Variants in LRBA observed in about 807,000 individuals in gnomAD.
The protein encoded by LRBA is lipopolysaccharide-responsive and beige-like anchor protein.
In LRBA, 176 loss-of-function variants were observed where a neutral mutation model predicts 330.0. The observed-to-expected ratio is 0.53, with a 90% CI of 0.47 to 0.60. The LOEUF is 0.60. Ranked by LOEUF, LRBA falls within the 20% of genes least tolerant of loss-of-function variation. LRBA has a pLI of 0.00. For synonymous variants in LRBA, 1,230 were observed against 1,193.0 expected, an observed-to-expected ratio of 1.03 and a Z score of -0.64; for missense variants, 3,259 against 3,444.8, an observed-to-expected ratio of 0.95 and a Z score of 1.35.
chr4:150,513,530 T>C (rs1762043739), intron 40 of LRBA, among the ~76,000 whole-genome samples: 1 of 152,178 alleles, frequency 6.6e-6, no homozygotes, highest in African/African-American at 2.4e-5. Context: ...CTGTTCATGA[T>C]GCCCTAATAA....
At chr4:150,438,964 A>G (rs1199484954) in intron 44 of LRBA, among the ~76,000 whole-genome samples, 6 of 152,204 alleles carry the variant, frequency 3.9e-5, no homozygotes, top group Admixed American at 3.9e-4. Context: ...CTTTTAAAGC[A>G]TTAGTTTCTG....
At chr4:150,268,123 T>C (rs1159246825) in intron 56 of LRBA, among the ~76,000 whole-genome samples, 1 of 151,826 alleles carries the variant, frequency 6.6e-6, no homozygotes, top group African/African-American at 2.4e-5. Flanking sequence ...CATTACTGAT[T>C]TGGCAGAAAC....
chr4:151,003,589 A>T (rs1037205830), intron 2 of LRBA, among the ~76,000 whole-genome samples: 1 of 151,986 alleles, frequency 6.6e-6, no homozygotes, highest in Non-Finnish European at 1.5e-5. Context: ...ACTGGGCAAC[A>T]TAGTGAGACA....
intron 2 of LRBA, among the ~76,000 whole-genome samples, chr4:150,971,201 A>G (rs780928967): frequency 2.6e-5 from 4 of 152,260 alleles, no homozygotes; most frequent in Non-Finnish European, 5.9e-5. Context: ...TCTGGCAAGC[A>G]TAATTTCACA....
At chr4:150,861,271 GT>G (rs1224141474) in intron 22 of LRBA, among the ~76,000 whole-genome samples, 2 of 38,224 alleles carry the variant, frequency 5.2e-5, no homozygotes, top group African/African-American at 1.9e-4. Context: ...CCAGCTAATG[GT>G]GTGTGTGTGT....
At chr4:150,638,954 A>C (rs2126705378) in intron 37 of LRBA, among the ~76,000 whole-genome samples, 1 of 89,914 alleles carries the variant, frequency 1.1e-5, no homozygotes. Flanking sequence ...GAACCAACCC[A>C]AATGTCCAAC....
intron 47 of LRBA, among the ~76,000 whole-genome samples, chr4:150,400,012 A>AAGGGGGAGGAATCTGGCATTTTTGT (rs1176420458): frequency 6.6e-6 from 1 of 151,738 alleles, no homozygotes; most frequent in Non-Finnish European, 1.5e-5. Flanking sequence ...AAGGCTTCCC[A>AAGGGGGAGGAATCTGGCATTTTTGT]AGGGGGAGGA....
intron 34 of LRBA, among the ~76,000 whole-genome samples, chr4:150,772,223 G>C (rs1226251455): frequency 6.6e-6 from 1 of 152,168 alleles, no homozygotes. Context: ...AAGGGCTGTA[G>C]TGCTCCAACT....
At chr4:150,652,752 C>T (rs1236167149) in intron 37 of LRBA, among the ~76,000 whole-genome samples, 6 of 152,178 alleles carry the variant, frequency 3.9e-5, no homozygotes, top group Non-Finnish European at 8.8e-5. Context: ...TCAGTTGAGA[C>T]TAACCACATT....
chr4:150,323,168 A>C (rs1732785648), intron 49 of LRBA, among the ~76,000 whole-genome samples: 1 of 152,146 alleles, frequency 6.6e-6, no homozygotes, highest in Admixed American at 6.5e-5. Context: ...GAATTCTGTG[A>C]AATTAGGTAA....
chr4:150,993,237 T>C (rs1742290722), intron 2 of LRBA, among the ~76,000 whole-genome samples: 1 of 152,222 alleles, frequency 6.6e-6, no homozygotes, highest in Admixed American at 6.5e-5. Flanking sequence ...TTCAAAAATT[T>C]GAATTGTAAT....
At chr4:151,001,994 T>C (rs1445537127) in intron 2 of LRBA, among the ~76,000 whole-genome samples, 9 of 150,896 alleles carry the variant, frequency 6.0e-5, no homozygotes, top group African/African-American at 2.2e-4. Flanking sequence ...ACTGACACTG[T>C]TTATACCTGA....
intron 2 of LRBA, among the ~76,000 whole-genome samples, chr4:150,990,492 C>T (rs1741948932): frequency 6.6e-6 from 1 of 152,024 alleles, no homozygotes; most frequent in South Asian, 2.1e-4. Flanking sequence ...CTTTAGGAGA[C>T]CAAAGTGGGA....
intron 40 of LRBA, among the ~76,000 whole-genome samples, chr4:150,586,345 C>G (rs192250368): frequency 6.6e-6 from 1 of 152,142 alleles, no homozygotes; most frequent in Admixed American, 6.5e-5. Context: ...CAAAAAGAAA[C>G]AAAAATATCC....
chr4:150,952,525 G>C (rs1453050667), intron 2 of LRBA, among the ~76,000 whole-genome samples: 1 of 152,134 alleles, frequency 6.6e-6, no homozygotes. Flanking sequence ...AAAAATCCAA[G>C]TAGTAAAGGC....
chr4:150,805,337 AGG>A, intron 33 of LRBA, among the ~76,000 whole-genome samples: 1 of 139,170 alleles, frequency 7.2e-6, no homozygotes, highest in Non-Finnish European at 1.5e-5. Flanking sequence ...AGGAAAGGAA[AGG>A]AGAAGGAGAA....
At chr4:150,694,493 CAGAA>C (rs769915506) in intron 36 of LRBA, among the ~76,000 whole-genome samples, 9 of 93,548 alleles carry the variant, frequency 9.6e-5, no homozygotes, top group South Asian at 3.3e-4. Flanking sequence ...TACAGAAACT[CAGAA>C]AGACTCATAG....
At chr4:150,436,557 A>G (rs1296608778) in intron 45 of LRBA, among the ~76,000 whole-genome samples, 167 bp downstream of exon 45, 2 of 152,224 alleles carry the variant, frequency 1.3e-5, no homozygotes, top group South Asian at 4.1e-4. Context: ...AAACATTTTT[A>G]AGGCAATACA....
At chr4:150,942,765 C>CA (rs932461564) in intron 2 of LRBA, among the ~76,000 whole-genome samples, 40 of 147,082 alleles carry the variant, frequency 2.7e-4, no homozygotes, top group African/African-American at 4.2e-4. Flanking sequence ...GATAAAGGAA[C>CA]AAAAAAAAAA....
Sources: allele counts gnomAD v4.1 joint callset (sites outside exome capture counted in the v4.1 genomes callset), GRCh38; gene constraint gnomAD v4.1.1; transcripts MANE v1.5; gene names NCBI Gene and HGNC (gene_info 2026-07-23, HGNC 2026-07-21).